The following GPC6 variants were observed in gnomAD, a reference collection of about 807,000 sequenced individuals.
GPC6 encodes the protein glypican-6.
In GPC6, 14 loss-of-function variants were observed where a neutral mutation model predicts 55.2. The observed-to-expected ratio is 0.25, with a 90% CI of 0.17 to 0.40. The LOEUF (loss-of-function observed/expected upper bound fraction) is 0.40, where lower values mean the gene tolerates loss of function less well. GPC6 is among the 10% of genes least tolerant of loss of function. The probability of loss-of-function intolerance (pLI) is 1.00; values close to 1 mark genes in which losing one functional copy is unlikely to be tolerated. For missense variants in GPC6, 641 were observed against 708.5 expected, an observed-to-expected ratio of 0.90 and a Z score of 1.08; for synonymous variants, 278 against 259.6, an observed-to-expected ratio of 1.07 and a Z score of -0.68.
At chr13:94,237,287 TCTTCCTCCCTTC>T (rs930728975) in intron 4 of GPC6, among the ~76,000 whole-genome samples, 43 of 149,732 alleles carry the variant, frequency 2.9e-4, no homozygotes, top group African/African-American at 1.1e-3. Flanking sequence ...TTTCCCCCTT[TCTTCCTCCCTTC>T]CTTCCTTCTT....
At chr13:93,289,762 G>A (rs1055944165) in intron 1 of GPC6, among the ~76,000 whole-genome samples, 6 of 152,050 alleles carry the variant, frequency 3.9e-5, no homozygotes, top group African/African-American at 1.4e-4. Flanking sequence ...TATATAAAAG[G>A]ATTTGTTTAT....
intron 1 of GPC6, among the ~76,000 whole-genome samples, chr13:93,537,862 T>C (rs1345718276): frequency 1.3e-5 from 2 of 152,048 alleles, no homozygotes; most frequent in African/African-American, 4.8e-5. Context: ...CCCATATTAA[T>C]GTAATTGTTA....
intron 2 of GPC6, among the ~76,000 whole-genome samples, chr13:93,706,850 TAACAGA>T (rs1882863621): frequency 6.6e-6 from 1 of 151,850 alleles, no homozygotes; most frequent in Admixed American, 6.6e-5. Flanking sequence ...ACAAATGTGG[TAACAGA>T]CTAGTGAGAA....
At chr13:93,231,380 CATATATATATATATATGTATAT>C (rs1876031197) in intron 1 of GPC6, among the ~76,000 whole-genome samples, 2 of 30,940 alleles carry the variant, frequency 6.5e-5, no homozygotes, top group African/African-American at 2.5e-4. Flanking sequence ...TATATATATA[CATATATATATATATATGTATAT>C]ATATATATAT....
chr13:93,527,660 C>T (rs1038955270), intron 1 of GPC6, among the ~76,000 whole-genome samples: 1 of 151,946 alleles, frequency 6.6e-6, no homozygotes, highest in East Asian at 1.9e-4. Flanking sequence ...GACCTCTTGC[C>T]CTTTATTAAT....
intron 4 of GPC6, among the ~76,000 whole-genome samples, chr13:94,110,500 A>T (rs900094523): frequency 2.0e-5 from 3 of 152,102 alleles, no homozygotes; most frequent in Non-Finnish European, 4.4e-5. Flanking sequence ...TAGGAGAAAG[A>T]TTTGATAGAT....
chr13:94,154,711 G>A (rs1280620255), intron 4 of GPC6, among the ~76,000 whole-genome samples: 1 of 152,108 alleles, frequency 6.6e-6, no homozygotes, highest in African/African-American at 2.4e-5. Context: ...GGCACCAGAA[G>A]CAATGGTATT....
chr13:93,429,875 C>G (rs1471629011), intron 1 of GPC6, among the ~76,000 whole-genome samples: 2 of 152,040 alleles, frequency 1.3e-5, no homozygotes, highest in African/African-American at 4.8e-5. Context: ...TGTACTTCCT[C>G]GGGAATTCCA....
intron 1 of GPC6, among the ~76,000 whole-genome samples, chr13:93,444,077 C>T (rs1268304580): frequency 6.6e-6 from 1 of 151,658 alleles, no homozygotes; most frequent in Non-Finnish European, 1.5e-5. Context: ...TAATTATCAA[C>T]ATTTATTAGT....
intron 1 of GPC6, among the ~76,000 whole-genome samples, chr13:93,472,272 A>G (rs1879146789): frequency 6.6e-6 from 1 of 152,014 alleles, no homozygotes; most frequent in Admixed American, 6.6e-5. Flanking sequence ...CCTTTTCCGC[A>G]TTTTCCTAGG....
intron 1 of GPC6, among the ~76,000 whole-genome samples, chr13:93,541,702 T>C (rs1325759161): frequency 6.9e-6 from 1 of 144,102 alleles, no homozygotes; most frequent in Non-Finnish European, 1.5e-5. Context: ...TTTCCTGACT[T>C]TTTAATGATT....
At chr13:94,247,640 A>T (rs546255233) in intron 4 of GPC6, among the ~76,000 whole-genome samples, 23 of 152,218 alleles carry the variant, frequency 1.5e-4, no homozygotes, top group African/African-American at 5.5e-4. Flanking sequence ...TGTTAATGCA[A>T]TGTATAACAT....
At chr13:93,871,164 CTCTG>C (rs1351065193) in intron 3 of GPC6, among the ~76,000 whole-genome samples, 2 of 151,880 alleles carry the variant, frequency 1.3e-5, no homozygotes, top group African/African-American at 2.4e-5. Context: ...ATGAGACAGA[CTCTG>C]TCTGCACGTT....
intron 4 of GPC6, among the ~76,000 whole-genome samples, chr13:94,097,763 A>G (rs1885719855): frequency 1.3e-5 from 2 of 152,188 alleles, no homozygotes; most frequent in Admixed American, 6.5e-5. Flanking sequence ...TGATTAACAT[A>G]TTATCAGTTA....
intron 2 of GPC6, among the ~76,000 whole-genome samples, chr13:93,613,379 T>C (rs1372978724): frequency 6.6e-6 from 1 of 152,166 alleles, no homozygotes; most frequent in African/African-American, 2.4e-5. Flanking sequence ...GTATTGGACG[T>C]AGGTAGCTGA....
At chr13:93,495,869 C>G (rs1880245688) in intron 1 of GPC6, among the ~76,000 whole-genome samples, 1 of 147,674 alleles carries the variant, frequency 6.8e-6, no homozygotes, top group Non-Finnish European at 1.5e-5. Flanking sequence ...CTTGAGGAGG[C>G]AGTCTGCCCG....
intron 1 of GPC6, among the ~76,000 whole-genome samples, chr13:93,522,724 T>A (rs545745951): frequency 1.3e-5 from 2 of 152,034 alleles, no homozygotes; most frequent in South Asian, 2.1e-4. Flanking sequence ...CACTGATTCC[T>A]TCCCGCTGCT....
intron 1 of GPC6, among the ~76,000 whole-genome samples, chr13:93,495,730 A>T (rs796858644): frequency 0.1 from 10,158 of 102,066 alleles, 700 homozygotes; most frequent in East Asian, 0.41. Context: ...GTTTGTTAGT[A>T]TTCCTTCTAA....
intron 3 of GPC6, among the ~76,000 whole-genome samples, chr13:93,961,230 A>G (rs1454815558): frequency 6.6e-6 from 1 of 152,204 alleles, no homozygotes; most frequent in African/African-American, 2.4e-5. Context: ...GAAATTTAGA[A>G]TCTGAAATGA....
Sources: gnomAD v4.1 joint callset for allele counts (sites outside exome capture counted in the v4.1 genomes callset) on GRCh38, gnomAD v4.1.1 for gene constraint, MANE v1.5 for transcripts, NCBI Gene and HGNC (gene_info 2026-07-23, HGNC 2026-07-21) for gene names.